The following CDH23 variants were observed in gnomAD, a reference collection of about 807,000 sequenced individuals.
The protein encoded by CDH23 is cadherin related 23.
A neutral mutation model predicts 317.1 loss-of-function variants in CDH23; 189 were observed. The ratio of observed to expected loss-of-function variants is 0.60; its 90% CI spans 0.53 to 0.67. The LOEUF is 0.67. CDH23 is among the 30% of genes least tolerant of loss of function. The pLI is 0.00. For missense variants in CDH23, 4,401 were observed against 4,592.4 expected, an observed-to-expected ratio of 0.96 and a Z score of 1.20; for synonymous variants, 1,839 against 1,876.8, an observed-to-expected ratio of 0.98 and a Z score of 0.52.
chr10:71,738,964 C>T (rs1013538632), intron 35 of CDH23, among the ~76,000 whole-genome samples: 2 of 152,258 alleles, frequency 1.3e-5, no homozygotes, highest in Non-Finnish European at 2.9e-5. Context: ...CTCGTCCTCT[C>T]TCCTGCTTCC....
chr10:71,565,565 T>C (rs546237440), intron 6 of CDH23, among the ~76,000 whole-genome samples: 151 of 152,260 alleles, frequency 9.9e-4, no homozygotes, highest in African/African-American at 3.6e-3. Flanking sequence ...GGGAATGCCC[T>C]GGATGGTACT....
rs572988715 is a variant in CDH23 at position 71,590,880 on chromosome 10, A to AAAAC, written c.832+12891_832+12892insCAAA. Among the ~76,000 whole-genome samples, 1,258 of 132,944 alleles carry AAAAC rather than the reference A, an allele frequency of 9.5e-3. 17 individuals carry two copies. The highest frequency in any genetic ancestry group is 0.012 in the Non-Finnish European group (782 of 63,926). The allele number at this position is 132,944 out of a possible 152,430, so 87.2% of individuals were successfully genotyped here. ...AGAGTGAGACCCTGTCTCTAAAAAA[A>AAAAC]AAAAAACAAAAAAAAACAAAAAAAA... is the stretch of plus-strand genomic sequence containing the variant. On this transcript the variant is annotated intron_variant, in intron 9 of 69. Transcript: ENST00000224721.
At chr10:71,656,806 AG>A (rs1863436521) in intron 14 of CDH23, among the ~76,000 whole-genome samples, 1 of 151,980 alleles carries the variant, frequency 6.6e-6, no homozygotes, top group Non-Finnish European at 1.5e-5. Context: ...AGAGAGCAGG[AG>A]GGGCATGGAG....
intron 38 of CDH23, chr10:71,753,715 C>T (rs756822119): frequency 6.8e-5 from 31 of 455,672 alleles, no homozygotes; most frequent in Non-Finnish European, 1.1e-4. Flanking sequence ...ACCCCATGTC[C>T]TCCCACAGAT....
chr10:71,678,991 G>A (rs981131207), intron 16 of CDH23, among the ~76,000 whole-genome samples: 1 of 152,134 alleles, frequency 6.6e-6, no homozygotes, highest in Non-Finnish European at 1.5e-5. Context: ...TGCAACCCTA[G>A]GGCCCTAACC....
At position 71,741,736 on chromosome 10, in the gene CDH23, G is replaced by A; in HGVS notation, c.4660G>A (p.Asp1554Asn). Residue 1554 changes from aspartate to asparagine, a missense_variant, in exon 38 of 70, where the codon GAC becomes AAC. By Grantham distance (23) the Asp-to-Asn change is conservative. Around this residue, in one of 3 missense-constraint regions of CDH23, gnomAD observed 3,068 missense variants for 3,203.3 expected, o/e 0.96. Coordinates refer to ENST00000224721, the MANE Select transcript of CDH23 (RefSeq NM_022124.6). ...TGCTGTGGTCCAGGTGAGAGCCACT[G>A]ACCGTGACATCGGGATCAACAGTGT... ...GTAVVQVRATDRDIGINSVLS... is the reference protein window; with the variant it reads ...GTAVVQVRATNRDIGINSVLS... The A allele has an allele frequency of 6.2e-7, 1 of 1,612,194 alleles. No individual in the cohort carries two copies. The highest frequency in any genetic ancestry group is 8.5e-7 in the Non-Finnish European group (1 of 1,179,142).
chr10:71,707,507 A>G, intron 26 of CDH23: 1 of 1,066,156 alleles, frequency 9.4e-7, no homozygotes, highest in Non-Finnish European at 1.1e-6. Context: ...TTTTAGCTCA[A>G]AAATGTTGCC....
At chr10:71,680,276 G>A (rs1864562087) in intron 17 of CDH23, among the ~76,000 whole-genome samples, 1 of 152,204 alleles carries the variant, frequency 6.6e-6, no homozygotes, top group South Asian at 2.1e-4. Flanking sequence ...TGTAGCCCCT[G>A]GCTAGCTTTA....
intron 18 of CDH23, among the ~76,000 whole-genome samples, chr10:71,684,549 G>C (rs376924258): frequency 5.9e-5 from 9 of 152,208 alleles, no homozygotes; most frequent in African/African-American, 2.2e-4. Flanking sequence ...TGTGACCTGG[G>C]TCTCTGAAAC....
At chr10:71,778,443 T>C in intron 40 of CDH23, 135 bp downstream of exon 40, 1 of 1,163,546 alleles carries the variant, frequency 8.6e-7, no homozygotes, top group Non-Finnish European at 1.2e-6. Flanking sequence ...CCTGTCCTAA[T>C]CTCAGCAACT....
chr10:71,451,207 C>G (rs1200274309), intron 3 of CDH23, among the ~76,000 whole-genome samples: 1 of 152,194 alleles, frequency 6.6e-6, no homozygotes, highest in Non-Finnish European at 1.5e-5. Flanking sequence ...TCACCAAGGT[C>G]CAAGCCCAGT....
intron 6 of CDH23, among the ~76,000 whole-genome samples, chr10:71,533,746 C>T (rs1855549958): frequency 6.6e-6 from 1 of 152,080 alleles, no homozygotes; most frequent in Non-Finnish European, 1.5e-5. Flanking sequence ...GCAGTTGTAG[C>T]TCTGCTTTTG....
chr10:71,618,529 C>T (rs1861307748), intron 11 of CDH23, among the ~76,000 whole-genome samples: 1 of 152,206 alleles, frequency 6.6e-6, no homozygotes, highest in Non-Finnish European at 1.5e-5. Context: ...TGCTGCTCCT[C>T]CTGGCCCACT....
At chr10:71,621,147 G>A (rs10823804) in intron 11 of CDH23, among the ~76,000 whole-genome samples, 5,763 of 152,346 alleles carry the variant, frequency 0.038, 377 homozygotes, top group East Asian at 0.3. Context: ...GCAACTGTTA[G>A]AGAAAAGATT....
intron 28 of CDH23, among the ~76,000 whole-genome samples, chr10:71,720,420 A>AACACACACACACACACACACACACACAC (rs57346519): frequency 8.9e-5 from 13 of 145,854 alleles, no homozygotes; most frequent in African/African-American, 3.3e-4. Flanking sequence ...CTCTTTCCAA[A>AACACACACACACACACACACACACACAC]ACACACACAC....
chr10:71,527,249 T>A (rs763726614), intron 6 of CDH23, among the ~76,000 whole-genome samples: 1 of 152,202 alleles, frequency 6.6e-6, no homozygotes, highest in South Asian at 2.1e-4. Flanking sequence ...CACACCTCAG[T>A]TGCCACAGCC....
intron 6 of CDH23, among the ~76,000 whole-genome samples, chr10:71,546,555 AAGTT>A (rs1405237326): frequency 2.6e-5 from 4 of 152,228 alleles, no homozygotes; most frequent in African/African-American, 7.2e-5. Flanking sequence ...GGTGATAAAC[AAGTT>A]GGGACTGAAA....
intron 6 of CDH23, among the ~76,000 whole-genome samples, chr10:71,517,800 C>T (rs997674637): frequency 2.0e-5 from 3 of 152,220 alleles, no homozygotes; most frequent in Non-Finnish European, 4.4e-5. Flanking sequence ...CTGCAGGCCA[C>T]AGCCAGAGTG....
chr10:71,806,270 G>A lies in CDH23; in HGVS notation c.8167G>A (p.Val2723Met). 1.9e-6 allele frequency: 3 copies of A among 1,557,966 alleles called. No individual in the cohort carries two copies. The highest frequency in any genetic ancestry group is 2.6e-6 in the Non-Finnish European group (3 of 1,151,636). ...EDIDDNEPLF[V>M]RPPKGSPQYQ... ...CATCGATGACAACGAACCCCTTTTC[G>A]TGAGGCCTCCAGTGAGCTTGCCCAC... The change falls in exon 57 of 70, where the codon GTG becomes ATG. Residue 2723 changes from valine (V) to methionine (M), a missense_variant. Coordinates refer to ENST00000224721, the MANE Select transcript of CDH23 (RefSeq NM_022124.6).
Sources: allele counts gnomAD v4.1 joint callset (sites outside exome capture counted in the v4.1 genomes callset), GRCh38; gene constraint gnomAD v4.1.1; regional missense constraint gnomAD v4.1.1; transcripts MANE v1.5; gene names NCBI Gene and HGNC (gene_info 2026-07-23, HGNC 2026-07-21).